The following ABCC8 variants were observed in gnomAD, a reference collection of about 807,000 sequenced individuals.
The protein encoded by ABCC8 is ATP-binding cassette sub-family C member 8.
In ABCC8, 137 loss-of-function variants were observed where a neutral mutation model predicts 188.0. The ratio of observed to expected loss-of-function variants is 0.73; its 90% CI spans 0.63 to 0.84. ABCC8 has a LOEUF of 0.84. Ranked by LOEUF, ABCC8 falls within the 40% of genes least tolerant of loss-of-function variation. The probability of loss-of-function intolerance (pLI) is 0.00; values close to 1 mark genes in which losing one functional copy is unlikely to be tolerated. For missense variants in ABCC8, 1,750 were observed against 2,072.7 expected (o/e 0.84, Z 3.02); for synonymous variants, 797 against 846.5 (o/e 0.94, Z 1.01).
intron 10 of ABCC8, among the ~76,000 whole-genome samples, chr11:17,432,928 G>A (rs992291383): frequency 5.9e-5 from 9 of 152,042 alleles, no homozygotes; most frequent in African/African-American, 2.2e-4. Flanking sequence ...TGTAACCTAG[G>A]GCATGTCATT....
Position 17,397,815 on chromosome 11 carries a change from C to A in ABCC8, c.3754-18G>T. ...ATGTACTCCTGGGGAGGGAGAGGAG[C>A]TGACCTGGGCGCTCAGGGGTTAGAG... On this transcript the variant is annotated intron_variant, in intron 30 of 38. Transcript: ENST00000389817. The A allele has an allele frequency of 6.2e-7, 1 of 1,612,956 alleles. No homozygotes were observed. The highest frequency in any genetic ancestry group is 8.5e-7 in the Non-Finnish European group (1 of 1,179,864).
At chr11:17,397,092 G>A (rs1222987724) in intron 32 of ABCC8, 46 bp from the exon 33 acceptor site, 3 of 1,613,992 alleles carry the variant, frequency 1.9e-6, no homozygotes, top group Middle Eastern at 3.3e-4. Flanking sequence ...GCCACAGCTA[G>A]TATCCGAAAG....
In ABCC8 at chr11:17,428,617, C is replaced by T. The variant is rs769842103; in HGVS notation, c.1871G>A (p.Cys624Tyr). 7 of 1,614,046 alleles carry T rather than the reference C, an allele frequency of 4.3e-6. No individual in the cohort carries two copies. The Admixed American group carries it at 1.2e-4, about 27-fold the overall frequency. ...LSSAEIREEQ[C>Y]APHEPTPQGP... is the part of the protein sequence containing the mutation. Reference sequence around the variant, plus strand: ...CTGAGGTGTGGGCTCATGGGGGGCACACTGCTCCTCACGGATCTCTGCACT... The same window carrying T: ...CTGAGGTGTGGGCTCATGGGGGGCATACTGCTCCTCACGGATCTCTGCACT... Residue 624 changes from cysteine (C) to tyrosine (Y), a missense_variant, in exon 13 of 39, where the codon TGT becomes TAT. Cys to Tyr is a radical substitution (Grantham distance 194). Coordinates refer to ENST00000389817, the MANE Select transcript of ABCC8 (RefSeq NM_000352.6).
chr11:17,406,828 A>G (rs1412637365), intron 25 of ABCC8, 40 bp from the exon 26 acceptor site: 3 of 1,614,054 alleles, frequency 1.9e-6, no homozygotes, highest in South Asian at 2.2e-5. Flanking sequence ...CAGGGTGCCC[A>G]TGGGCTCAGC....
chr11:17,437,313 C>T (rs1956143894), intron 10 of ABCC8, among the ~76,000 whole-genome samples: 1 of 152,138 alleles, frequency 6.6e-6, no homozygotes, highest in African/African-American at 2.4e-5. Flanking sequence ...TGGCTTTGCC[C>T]AAGGAATGTT....
chr11:17,412,661 C>G lies in ABCC8; in HGVS notation c.2556+5G>C, dbSNP rs1372938979. The G allele has an allele frequency of 6.2e-7, 1 of 1,610,154 alleles. No homozygotes were observed. Among genetic ancestry groups the G allele is most frequent in the Admixed American group, 1.7e-5 (1 of 59,646 alleles). On this transcript the variant is annotated splice_donor_5th_base_variant and intron_variant, in intron 21 of 38. Transcript: ENST00000389817. Reference sequence around the variant, plus strand: ...GACCAGGACCCCAAGGGAACTTGCACTCACCAAGAAGACAACGTTGGCGTG... The same window carrying G: ...GACCAGGACCCCAAGGGAACTTGCAGTCACCAAGAAGACAACGTTGGCGTG...
chr11:17,423,737 A>C (rs1301970661), intron 16 of ABCC8, among the ~76,000 whole-genome samples: 2 of 152,176 alleles, frequency 1.3e-5, no homozygotes, highest in Admixed American at 1.3e-4. Flanking sequence ...CCCACGTGGC[A>C]GTTCTGGGAG....
chr11:17,425,566 CAG>C (rs1955543194), intron 16 of ABCC8, among the ~76,000 whole-genome samples: 1 of 152,198 alleles, frequency 6.6e-6, no homozygotes, highest in Non-Finnish European at 1.5e-5. Context: ...CCAGAGGGCA[CAG>C]AGCCAGGTTT....
At chr11:17,410,417 C>G (rs1398533761) in intron 22 of ABCC8, 99 bp downstream of exon 22, 6 of 1,352,972 alleles carry the variant, frequency 4.4e-6, no homozygotes, top group Non-Finnish European at 6.3e-6. Context: ...TTGTGGCCCT[C>G]AGCAGTTGCT....
At chr11:17,424,511 G>A (rs1227481711) in intron 16 of ABCC8, among the ~76,000 whole-genome samples, 1 of 152,140 alleles carries the variant, frequency 6.6e-6, no homozygotes, top group Non-Finnish European at 1.5e-5. Flanking sequence ...AATCATGCCT[G>A]CTTCATCTAC....
rs750619309 is a variant in ABCC8 at position 17,430,915 on chromosome 11, C to A, written c.1716G>T (p.Ser572=). ...HVSFFKEADF[S]PSVAFASLSL... is the part of the protein sequence containing the mutation. ...AGAGGGAGGCAAAGGCCACGGAGGGCGAGAAGTCGGCCTCTTTGAAGAAGC... is the reference window on the plus strand; with the variant it reads ...AGAGGGAGGCAAAGGCCACGGAGGGAGAGAAGTCGGCCTCTTTGAAGAAGC... Residue 572 remains serine, a synonymous_variant, in exon 12 of 39, where the codon TCG becomes TCT. Coordinates refer to ENST00000389817, the MANE Select transcript of ABCC8 (RefSeq NM_000352.6). 3 of 1,614,172 alleles carry A rather than the reference C, an allele frequency of 1.9e-6. No homozygotes were observed. Among genetic ancestry groups the A allele is most frequent in the Non-Finnish European group, 2.5e-6 (3 of 1,180,020 alleles).
At chr11:17,402,555 T>C in intron 29 of ABCC8, 106 bp downstream of exon 29, 1 of 1,604,818 alleles carries the variant, frequency 6.2e-7, no homozygotes, top group Non-Finnish European at 8.5e-7. Flanking sequence ...AGAGAGAACG[T>C]GTCCTTGGCC....
intron 1 of ABCC8, among the ~76,000 whole-genome samples, chr11:17,476,316 C>T (rs1297598927): frequency 1.3e-5 from 2 of 152,260 alleles, no homozygotes; most frequent in African/African-American, 4.8e-5. Context: ...CAGTTTCCCA[C>T]TGCGTGCTGA....
In ABCC8 at chr11:17,427,842, G is replaced by C; in HGVS notation, c.2116+25C>G. On this transcript the variant is annotated intron_variant, in intron 15 of 38. Coordinates refer to ENST00000389817, the MANE Select transcript of ABCC8 (RefSeq NM_000352.6). The surrounding 1 kb of genome is among the most constrained non-coding windows in gnomAD (Gnocchi z 5.0). ...TTCAGTGGGACATGGGGAGGGGCAT[G>C]CTGGAGGGGTGGACTGGGCCATACC... is the stretch of plus-strand genomic sequence containing the variant. The C allele has an allele frequency of 1.9e-6, 3 of 1,613,456 alleles. No homozygotes were observed. The highest frequency in any genetic ancestry group is 2.5e-6 in the Non-Finnish European group (3 of 1,179,684).
At chr11:17,459,520 G>A (rs776607960) in intron 6 of ABCC8, among the ~76,000 whole-genome samples, 6 of 152,274 alleles carry the variant, frequency 3.9e-5, no homozygotes, top group Middle Eastern at 6.8e-3. Flanking sequence ...TGCTGGCTGC[G>A]ATTTTGGAGC....
chr11:17,457,290 AAAAAGACACACC>A (rs1957031150), intron 6 of ABCC8, among the ~76,000 whole-genome samples: 1 of 152,226 alleles, frequency 6.6e-6, no homozygotes, highest in African/African-American at 2.4e-5. Flanking sequence ...ACACACGCAG[AAAAAGACACACC>A]AAAAGACACA....
chr11:17,406,842 T>TC, intron 25 of ABCC8, 46 bp downstream of exon 25: 1 of 1,614,056 alleles, frequency 6.2e-7, no homozygotes, highest in Middle Eastern at 1.6e-4. Context: ...GCTCAGCCCT[T>TC]CCCCCATCCC....
Position 17,430,868 on chromosome 11 carries a change from G to A in ABCC8, c.1763C>T (p.Thr588Ile). 6.2e-7 allele frequency: 1 copy of A among 1,614,258 alleles called. No homozygotes were observed. The highest frequency in any genetic ancestry group is 8.5e-7 in the Non-Finnish European group (1 of 1,180,044). Residue 588 changes from threonine to isoleucine, a missense_variant, in exon 12 of 39, where the codon ACA becomes ATA. Thr to Ile is a moderately conservative substitution (Grantham distance 89). Coordinates refer to ENST00000389817, the MANE Select transcript of ABCC8 (RefSeq NM_000352.6). ...ASLSLFHILV[T>I]PLFLLSSVVR... ...CACACTGGACAGCAGGAACAGCGGT[G>A]TGACCAAGATATGGAAGAGGGAGAG... is the stretch of plus-strand genomic sequence containing the variant.
chr11:17,434,984 C>CGCGCGCGTGTGT (rs71457876), intron 10 of ABCC8, among the ~76,000 whole-genome samples: 18 of 144,760 alleles, frequency 1.2e-4, no homozygotes, highest in South Asian at 6.8e-4. Flanking sequence ...CGTGTGTTCG[C>CGCGCGCGTGTGT]GTGTGTGTGT....
Sources: gnomAD v4.1 joint callset for allele counts (sites outside exome capture counted in the v4.1 genomes callset) on GRCh38, gnomAD v4.1.1 for gene constraint, Gnocchi (gnomAD v3.1) non-coding constraint, MANE v1.5 for transcripts, NCBI Gene and HGNC (gene_info 2026-07-23, HGNC 2026-07-21) for gene names.